The following NAV1 variants were observed in gnomAD, a reference collection of about 807,000 sequenced individuals.
NAV1 encodes the protein neuron navigator 1, also known as pore membrane and/or filament interacting like protein 3.
NAV1 carries 18 observed loss-of-function variants against 175.2 expected under a neutral mutation model. That is an observed-to-expected ratio of 0.10 (90% confidence interval 0.07 to 0.15). The LOEUF (loss-of-function observed/expected upper bound fraction) is 0.15. Ranked by LOEUF, NAV1 falls within the 10% of genes least tolerant of loss-of-function variation. The probability of loss-of-function intolerance (pLI) is 1.00; values close to 1 mark genes in which losing one functional copy is unlikely to be tolerated. For missense variants in NAV1, 1,731 were observed against 2,436.6 expected (o/e 0.71, Z 6.10); for synonymous variants, 897 against 978.7 (o/e 0.92, Z 1.56).
At chr1:201,678,972 G>T (rs1389634926) in intron 1 of NAV1, among the ~76,000 whole-genome samples, 1 of 152,142 alleles carries the variant, frequency 6.6e-6, no homozygotes, top group East Asian at 1.9e-4. Flanking sequence ...GGAGGCTCCC[G>T]TGGAGACAAA....
chr1:201,662,343 T>C (rs492563), intron 1 of NAV1, among the ~76,000 whole-genome samples: 28,096 of 152,234 alleles, frequency 0.18, 3,245 homozygotes, highest in African/African-American at 0.33. Context: ...TTTACCACTA[T>C]CTGTGTTTAA....
chr1:201,545,537 G>T (rs1665641761), intron 1 of NAV1, among the ~76,000 whole-genome samples: 1 of 152,114 alleles, frequency 6.6e-6, no homozygotes, highest in African/African-American at 2.4e-5. Flanking sequence ...AAGTGTTGAG[G>T]ATTACAGGCG....
At chr1:201,799,607 C>T in intron 15 of NAV1, among the ~76,000 whole-genome samples, 1 of 152,192 alleles carries the variant, frequency 6.6e-6, no homozygotes, top group Non-Finnish European at 1.5e-5. Flanking sequence ...CGCCTATAAT[C>T]CCAGCACTTT....
intron 2 of NAV1, among the ~76,000 whole-genome samples, chr1:201,715,061 T>C (rs1672079259): frequency 6.6e-6 from 1 of 152,198 alleles, no homozygotes; most frequent in Non-Finnish European, 1.5e-5. Context: ...CTGGTTTTTC[T>C]GTTTACTGTG....
chr1:201,575,766 G>C (rs2102182510), intron 1 of NAV1, among the ~76,000 whole-genome samples: 1 of 152,266 alleles, frequency 6.6e-6, no homozygotes, highest in South Asian at 2.1e-4. Context: ...TTATTATGAA[G>C]GAAGGAGGGA....
upstream of NAV1, among the ~76,000 whole-genome samples, chr1:201,619,200 G>A (rs796886631): frequency 2.6e-5 from 4 of 152,364 alleles, no homozygotes; most frequent in South Asian, 6.2e-4. Flanking sequence ...CAGCAACTGC[G>A]TCTGCTCCAT....
chr1:201,563,587 A>G (rs546564095), intron 1 of NAV1, among the ~76,000 whole-genome samples: 1 of 152,210 alleles, frequency 6.6e-6, no homozygotes, highest in Non-Finnish European at 1.5e-5. Flanking sequence ...TGGGCCTGAT[A>G]TGACCACCTG....
At position 201,793,880 on chromosome 1, in the gene NAV1, G is replaced by A. The variant is rs1173336072; in HGVS notation, c.3405+5G>A. ...GCAGAGACGGCCGAGGAGAAGGTGA[G>A]AGGCCTGGGAAAGGGTGGGAGGGGT... On this transcript the variant is annotated splice_donor_5th_base_variant and intron_variant, in intron 14 of 29. Coordinates refer to ENST00000367296, the Ensembl canonical transcript of NAV1. The A allele has an allele frequency of 2.5e-6, 4 of 1,600,712 alleles. No homozygotes were observed. The South Asian group carries it at 4.4e-5, about 18-fold the overall frequency.
intron 3 of NAV1, among the ~76,000 whole-genome samples, chr1:201,725,132 C>A (rs547928210): frequency 5.3e-5 from 8 of 152,314 alleles, no homozygotes; most frequent in African/African-American, 1.9e-4. Flanking sequence ...AGATACCCAA[C>A]CCAGCCACCC....
At chr1:201,689,593 A>C (rs1298663733) in intron 1 of NAV1, among the ~76,000 whole-genome samples, 1 of 152,062 alleles carries the variant, frequency 6.6e-6, no homozygotes, top group Non-Finnish European at 1.5e-5. Context: ...GGTTGTTTTT[A>C]ATTGTCTTGC....
chr1:201,574,221 T>A (rs191617455), intron 1 of NAV1, among the ~76,000 whole-genome samples: 3 of 152,260 alleles, frequency 2.0e-5, no homozygotes, highest in Non-Finnish European at 2.9e-5. Context: ...AGAAAAGTAA[T>A]ACACAACTTT....
At chr1:201,726,650 A>AC (rs1447599705) in intron 3 of NAV1, among the ~76,000 whole-genome samples, 2 of 140,866 alleles carry the variant, frequency 1.4e-5, no homozygotes, top group Non-Finnish European at 3.0e-5. Context: ...CTCCATCTCA[A>AC]AAAAAAAAAA....
At chr1:201,709,394 T>C (rs879377659) in intron 1 of NAV1, among the ~76,000 whole-genome samples, 34 of 152,256 alleles carry the variant, frequency 2.2e-4, no homozygotes, top group African/African-American at 6.7e-4. Context: ...AGCTAAAATA[T>C]AAAAATTCAC....
chr1:201,648,865 T>A, exon 1 of NAV1: 1 of 1,611,970 alleles, frequency 6.2e-7, no homozygotes, highest in Non-Finnish European at 8.5e-7. Context: ...GAGCTGAAGG[T>A]CTTCAAGTCC....
chr1:201,675,127 C>T (rs973504508), intron 1 of NAV1, among the ~76,000 whole-genome samples: 1 of 152,160 alleles, frequency 6.6e-6, no homozygotes, highest in African/African-American at 2.4e-5. Flanking sequence ...CAGGCCCCAC[C>T]TCTGACCTGG....
chr1:201,579,757 A>C (rs1254017152), intron 1 of NAV1, among the ~76,000 whole-genome samples: 1 of 152,214 alleles, frequency 6.6e-6, no homozygotes, highest in Non-Finnish European at 1.5e-5. Flanking sequence ...GGGAGGAATA[A>C]GGAAAAGTAC....
At chr1:201,768,136 A>C (rs1173496988) in intron 3 of NAV1, among the ~76,000 whole-genome samples, 1 of 151,396 alleles carries the variant, frequency 6.6e-6, no homozygotes, top group Non-Finnish European at 1.5e-5. Context: ...ACCAGCCTGG[A>C]CAACATGGTG....
At chr1:201,597,748 C>T (rs1052393152) in intron 2 of NAV1, among the ~76,000 whole-genome samples, 4 of 152,222 alleles carry the variant, frequency 2.6e-5, no homozygotes, top group African/African-American at 7.2e-5. Context: ...TCCTGTTCCG[C>T]GGGGAAGATT....
intron 1 of NAV1, among the ~76,000 whole-genome samples, chr1:201,707,744 C>A (rs1025315318): frequency 6.6e-6 from 1 of 152,206 alleles, no homozygotes; most frequent in African/African-American, 2.4e-5. Flanking sequence ...CCTCTAGCAA[C>A]GTTTTAGTCT....
Sources: allele counts gnomAD v4.1 joint callset (sites outside exome capture counted in the v4.1 genomes callset), GRCh38; gene constraint gnomAD v4.1.1; transcripts MANE v1.5; gene names NCBI Gene and HGNC (gene_info 2026-07-23, HGNC 2026-07-21).